Variants in MYO9A observed in about 807,000 individuals in gnomAD.
MYO9A encodes the protein unconventional myosin-IXa.
In MYO9A, 103 loss-of-function variants were observed where a neutral mutation model predicts 293.3. The ratio of observed to expected loss-of-function variants is 0.35; its 90% confidence interval spans 0.30 to 0.41. The LOEUF (loss-of-function observed/expected upper bound fraction) is 0.41. Ranked by LOEUF, MYO9A falls within the 10% of genes least tolerant of loss-of-function variation. The pLI is 1.00. For synonymous variants in MYO9A, 1,001 were observed against 1,035.7 expected (o/e 0.97, Z 0.64); for missense variants, 2,685 against 3,033.0 (o/e 0.89, Z 2.69).
intron 1 of MYO9A, among the ~76,000 whole-genome samples, chr15:72,101,816 T>C (rs1596577894): frequency 9.9e-6 from 1 of 101,272 alleles, no homozygotes; most frequent in Non-Finnish European, 2.0e-5. Context: ...GGGAGGGAGG[T>C]GGCGGGGTCA....
intron 18 of MYO9A, among the ~76,000 whole-genome samples, chr15:71,926,440 G>T (rs1449631313): frequency 6.6e-6 from 1 of 152,108 alleles, no homozygotes; most frequent in Non-Finnish European, 1.5e-5. Context: ...CAGACACAGT[G>T]GTTCACACCT....
chr15:72,104,842 G>C (rs1224379210), intron 1 of MYO9A, among the ~76,000 whole-genome samples: 1 of 152,206 alleles, frequency 6.6e-6, no homozygotes, highest in Non-Finnish European at 1.5e-5. Context: ...GACAAAAAAA[G>C]AGAAAGAAGA....
At chr15:71,919,093 T>C (rs1053867018) in intron 18 of MYO9A, among the ~76,000 whole-genome samples, 2 of 152,216 alleles carry the variant, frequency 1.3e-5, no homozygotes, top group South Asian at 4.1e-4. Context: ...CATAATATCA[T>C]CTAAATTATT....
Position 71,878,164 on chromosome 15 carries a change from G to A in MYO9A, c.5807C>T (p.Thr1936Met), listed in dbSNP as rs779857942. The change falls in exon 31 of 42, where the codon ACG becomes ATG. Residue 1936 changes from threonine (T) to methionine (M), a missense_variant. Thr to Met is a moderately conservative substitution (Grantham distance 81). Around this residue, in one of 10 missense-constraint regions of MYO9A, gnomAD observed 1,434 missense variants for 1,497.7 expected, o/e 0.96. Transcript: ENST00000356056. ...YALFEQILEKTMRLEQRDSLG... is the reference protein window; with the variant it reads ...YALFEQILEKMMRLEQRDSLG... ...TGAATCACGCTGCTCAAGCCTCATC[G>A]TCTTTTCCAGAATCTGTTCAAATAG... 7 of 1,612,076 alleles carry A rather than the reference G, an allele frequency of 4.3e-6. No individual in the cohort carries two copies. The highest frequency in any genetic ancestry group is 2.7e-5 in the African/African-American group (2 of 74,750).
At chr15:71,912,563 CAT>C (rs2057891076) in intron 19 of MYO9A, among the ~76,000 whole-genome samples, 1 of 152,144 alleles carries the variant, frequency 6.6e-6, no homozygotes, top group Non-Finnish European at 1.5e-5. Flanking sequence ...TCCAAGAAAA[CAT>C]ATTTTTAAAA....
At chr15:71,842,981 A>G (rs2055228343) in intron 39 of MYO9A, among the ~76,000 whole-genome samples, 1 of 152,176 alleles carries the variant, frequency 6.6e-6, no homozygotes, top group Non-Finnish European at 1.5e-5. Context: ...AGTTAAAAAA[A>G]AGACCTTTTC....
At chr15:71,930,414 C>A (rs1296868799) in intron 18 of MYO9A, among the ~76,000 whole-genome samples, 1 of 152,170 alleles carries the variant, frequency 6.6e-6, no homozygotes, top group Non-Finnish European at 1.5e-5. Context: ...AAAATTGTTA[C>A]ATCCTTTTGA....
chr15:71,897,215 G>A (rs1382216002), intron 25 of MYO9A: 3 of 471,766 alleles, frequency 6.4e-6, no homozygotes, highest in Non-Finnish European at 1.1e-5. Flanking sequence ...CTTCACAAAT[G>A]CTTCTCACTT....
chr15:71,905,024 ATAAT>A lies in MYO9A; in HGVS notation c.2686-22_2686-19del. On this transcript the variant is annotated intron_variant, in intron 19 of 41. Coordinates refer to ENST00000356056, the MANE Select transcript of MYO9A (RefSeq NM_006901.4). ...AATGATGCCTGCAACAGAAAGCAAT[ATAAT>A]TATCATACTCTTCCATTCCAAACTA... 1 of 1,581,120 alleles carries A rather than the reference ATAAT, an allele frequency of 6.3e-7. No homozygotes were observed. Among genetic ancestry groups the A allele is most frequent in the Non-Finnish European group, 8.6e-7 (1 of 1,156,282 alleles).
chr15:72,012,652 TA>T (rs2077207949), intron 6 of MYO9A, among the ~76,000 whole-genome samples: 2 of 152,146 alleles, frequency 1.3e-5, no homozygotes, highest in South Asian at 4.1e-4. Context: ...TAACCTTTTG[TA>T]AAAAGCTCTC....
At chr15:71,836,934 G>T (rs2054968934) in intron 39 of MYO9A, among the ~76,000 whole-genome samples, 1 of 151,994 alleles carries the variant, frequency 6.6e-6, no homozygotes, top group Admixed American at 6.6e-5. Context: ...AGCTGGGGTG[G>T]TATGTGGATG....
At chr15:72,024,395 C>A (rs1358029561) in intron 4 of MYO9A, among the ~76,000 whole-genome samples, 1 of 152,134 alleles carries the variant, frequency 6.6e-6, no homozygotes, top group African/African-American at 2.4e-5. Context: ...ATCCTCTCAC[C>A]TCAGCCTCCT....
chr15:71,874,203 G>T (rs2056608534), intron 32 of MYO9A, among the ~76,000 whole-genome samples: 1 of 152,208 alleles, frequency 6.6e-6, no homozygotes, highest in South Asian at 2.1e-4. Context: ...GATGTAAAAA[G>T]ATTTGGGAAT....
At chr15:72,107,457 G>A (rs2080610845) in intron 1 of MYO9A, among the ~76,000 whole-genome samples, 1 of 152,186 alleles carries the variant, frequency 6.6e-6, no homozygotes, top group Admixed American at 6.5e-5. Context: ...GCTGAGGCAG[G>A]AGAATCACTT....
At chr15:71,844,515 ACCTATTTGAGGGAAACAGGATAC>A (rs1232356939) in intron 39 of MYO9A, among the ~76,000 whole-genome samples, 1 of 152,186 alleles carries the variant, frequency 6.6e-6, no homozygotes, top group Non-Finnish European at 1.5e-5. Flanking sequence ...TCTGAGTGAT[ACCTATTTGAGGGAAACAGGATAC>A]CCTATTTGAG....
intron 1 of MYO9A, among the ~76,000 whole-genome samples, chr15:72,103,399 GCAGC>G (rs1567044377): frequency 6.8e-6 from 1 of 146,798 alleles, no homozygotes; most frequent in Non-Finnish European, 1.5e-5. Context: ...AGCAGAAGCA[GCAGC>G]AAGCAGCAAG....
chr15:72,101,801 C>T (rs1414069940), intron 1 of MYO9A, among the ~76,000 whole-genome samples: 1 of 146,722 alleles, frequency 6.8e-6, no homozygotes. Context: ...CCAGCCGCCC[C>T]GTCCGGGAGG....
At chr15:71,955,038 C>A (rs925229135) in intron 14 of MYO9A, among the ~76,000 whole-genome samples, 1 of 152,192 alleles carries the variant, frequency 6.6e-6, no homozygotes, top group African/African-American at 2.4e-5. Flanking sequence ...TATCACCCCC[C>A]CAAGTTATTT....
At chr15:72,027,612 T>C in intron 4 of MYO9A, 119 bp downstream of exon 4, 1 of 716,550 alleles carries the variant, frequency 1.4e-6, no homozygotes. Flanking sequence ...ATAGCAATTA[T>C]GCATAAAGCT....
Sources: gnomAD v4.1 joint callset for allele counts (sites outside exome capture counted in the v4.1 genomes callset) on GRCh38, gnomAD v4.1.1 for gene constraint, gnomAD v4.1.1 regional missense constraint, MANE v1.5 for transcripts, NCBI Gene and HGNC (gene_info 2026-07-23, HGNC 2026-07-21) for gene names.